The following CABLES1 variants were observed in gnomAD, a reference collection of about 807,000 sequenced individuals.
CABLES1 encodes the protein CDK5 and ABL1 enzyme substrate 1.
CABLES1 carries 36 observed loss-of-function variants against 57.8 expected under a neutral mutation model. That is an observed-to-expected ratio of 0.62 (90% CI 0.48 to 0.82). The LOEUF (loss-of-function observed/expected upper bound fraction) is 0.82. Ranked by LOEUF, CABLES1 falls within the 40% of genes least tolerant of loss-of-function variation. The pLI is 0.00. For missense variants in CABLES1, 767 were observed against 836.6 expected (o/e 0.92, Z 1.03); for synonymous variants, 374 against 363.0 (o/e 1.03, Z -0.35).
intron 1 of CABLES1, among the ~76,000 whole-genome samples, chr18:23,160,036 G>T (rs908290417): frequency 6.7e-6 from 1 of 149,926 alleles, no homozygotes; most frequent in Non-Finnish European, 1.5e-5. Context: ...TCCCAAGCAA[G>T]AACTTTTTTT....
intron 1 of CABLES1, 35 bp from the exon 2 acceptor site, chr18:23,188,803 G>C (rs142847644): frequency 6.6e-7 from 1 of 1,526,270 alleles, no homozygotes; most frequent in Admixed American, 1.7e-5. Context: ...CTGCAATGCA[G>C]TTTTAACTCC....
chr18:23,197,218 A>T (rs1216295903), intron 3 of CABLES1: 1 of 152,230 alleles, frequency 6.6e-6, no homozygotes, highest in Non-Finnish European at 1.5e-5. Flanking sequence ...AAACTTAAAT[A>T]TACCTCGTGA....
At chr18:23,207,475 A>C (rs2047372489) in intron 3 of CABLES1, among the ~76,000 whole-genome samples, 1 of 152,158 alleles carries the variant, frequency 6.6e-6, no homozygotes. Context: ...CACTTGCTCC[A>C]GGAAGCCCAC....
chr18:23,173,962 C>T (rs1014116201), intron 1 of CABLES1, among the ~76,000 whole-genome samples: 15 of 151,982 alleles, frequency 9.9e-5, no homozygotes, highest in Admixed American at 2.6e-4. Flanking sequence ...GATTCTGTCT[C>T]GAAAAATAAA....
At chr18:23,182,742 C>T (rs1489877052) in intron 1 of CABLES1, among the ~76,000 whole-genome samples, 8 of 152,226 alleles carry the variant, frequency 5.3e-5, no homozygotes, top group Admixed American at 2.6e-4. Flanking sequence ...CCCCTGGGTG[C>T]CCACTGCCTC....
At chr18:23,248,598 C>T (rs945074627) in intron 7 of CABLES1, among the ~76,000 whole-genome samples, 3 of 137,728 alleles carry the variant, frequency 2.2e-5, no homozygotes, top group Admixed American at 7.9e-5. Flanking sequence ...GAGGCCGAGG[C>T]GGGTGGATCA....
chr18:23,242,705 G>A (rs1424150586), intron 7 of CABLES1, among the ~76,000 whole-genome samples: 1 of 150,048 alleles, frequency 6.7e-6, no homozygotes, highest in African/African-American at 2.4e-5. Flanking sequence ...AAAGAAAACC[G>A]ACTAACATTG....
In CABLES1 at chr18:23,143,680, C is replaced by A. The variant is rs113212851; in HGVS notation, c.845+7073C>A. ...TGTCACAGAGTGGTTGTGCTTCCCC[C>A]ACCCTAGCCCAGTGCTCTGTGCCCA... On this transcript the variant is annotated intron_variant, in intron 1 of 9. Coordinates refer to ENST00000256925, the MANE Select transcript of CABLES1 (RefSeq NM_001100619.3). Among the ~76,000 whole-genome samples the A allele has an allele frequency of 4.6e-3, 695 of 152,354 alleles. 5 individuals carry two copies. Among genetic ancestry groups the A allele is most frequent in the South Asian group, 0.012 (58 of 4,830 alleles).
chr18:23,196,875 T>C (rs1431454930), intron 3 of CABLES1: 6 of 152,324 alleles, frequency 3.9e-5, no homozygotes, highest in Non-Finnish European at 7.3e-5. Context: ...GGACCCCTGA[T>C]GAGCACAGCC....
At chr18:23,162,685 G>A (rs1225549518) in intron 1 of CABLES1, among the ~76,000 whole-genome samples, 1 of 152,172 alleles carries the variant, frequency 6.6e-6, no homozygotes, top group Non-Finnish European at 1.5e-5. Flanking sequence ...CTTCTTGGAG[G>A]TGGTGTCTTA....
At chr18:23,229,892 C>T (rs1205672160) in intron 4 of CABLES1, among the ~76,000 whole-genome samples, 1 of 152,206 alleles carries the variant, frequency 6.6e-6, no homozygotes, top group African/African-American at 2.4e-5. Context: ...CAATGTGAAA[C>T]TGCTGTTTAT....
At chr18:23,251,188 C>T (rs566688402) in intron 7 of CABLES1, among the ~76,000 whole-genome samples, 2 of 152,224 alleles carry the variant, frequency 1.3e-5, no homozygotes, top group Non-Finnish European at 2.9e-5. Flanking sequence ...CACGGTTGCT[C>T]ATGCCTGTAA....
chr18:23,247,654 C>T (rs980645212), intron 7 of CABLES1, among the ~76,000 whole-genome samples: 4 of 152,228 alleles, frequency 2.6e-5, no homozygotes, highest in African/African-American at 7.2e-5. Flanking sequence ...ACTGGGCCGC[C>T]GGGCACCATG....
chr18:23,240,928 A>G (rs1387732451), intron 7 of CABLES1, among the ~76,000 whole-genome samples: 1 of 152,176 alleles, frequency 6.6e-6, no homozygotes, highest in East Asian at 1.9e-4. Context: ...TTTACAGACA[A>G]TCAGATGCAC....
chr18:23,180,409 TAAC>T (rs2047156785), intron 1 of CABLES1, among the ~76,000 whole-genome samples: 1 of 152,060 alleles, frequency 6.6e-6, no homozygotes, highest in Non-Finnish European at 1.5e-5. Flanking sequence ...ATGAAGGAAA[TAAC>T]AATAGGGTGA....
chr18:23,244,715 T>C (rs2047830756), intron 7 of CABLES1, among the ~76,000 whole-genome samples: 1 of 152,242 alleles, frequency 6.6e-6, no homozygotes, highest in Non-Finnish European at 1.5e-5. Context: ...GTGTGGCTCA[T>C]TGCCTTGTAT....
rs2047015030 is a variant in CABLES1 at position 23,162,941 on chromosome 18, A to G, written c.846-25897A>G. The stretch of plus-strand genomic sequence containing the variant: ...AGTGGGTTTGAGGGACAGAGCAACA[A>G]GTTAGAGTTAGCTCACTCTGGCTGC... On this transcript the variant is annotated intron_variant, in intron 1 of 9. Transcript: ENST00000256925. Among the ~76,000 whole-genome samples the G allele has an allele frequency of 1.3e-5, 2 of 152,204 alleles. 1 individual carries two copies. Among genetic ancestry groups the G allele is most frequent in the Admixed American group, 1.3e-4 (2 of 15,282 alleles).
intron 1 of CABLES1, among the ~76,000 whole-genome samples, chr18:23,163,738 G>T (rs72874946): frequency 0.013 from 1,919 of 152,244 alleles, 19 homozygotes; most frequent in Non-Finnish European, 0.019. Context: ...TGACTCTGTG[G>T]TCATTTAACA....
chr18:23,234,032 C>G (rs1468365433), intron 4 of CABLES1, among the ~76,000 whole-genome samples: 4 of 152,116 alleles, frequency 2.6e-5, no homozygotes, highest in Non-Finnish European at 4.4e-5. Flanking sequence ...GCCTGGCCAA[C>G]ATAGTGAAAC....
Sources: allele counts gnomAD v4.1 joint callset (sites outside exome capture counted in the v4.1 genomes callset), GRCh38; gene constraint gnomAD v4.1.1; transcripts MANE v1.5; gene names NCBI Gene and HGNC (gene_info 2026-07-23, HGNC 2026-07-21).